KCNN3: variants seen among roughly 807,000 people sequenced by gnomAD.
KCNN3 encodes the protein potassium calcium-activated channel subfamily N member 3.
Under a neutral mutation model 62.9 loss-of-function variants are expected in KCNN3, and 16 were observed. The observed-to-expected ratio is 0.25, with a 90% CI of 0.17 to 0.39. The LOEUF is 0.39. Ranked by LOEUF, KCNN3 falls within the 10% of genes least tolerant of loss-of-function variation. KCNN3 has a pLI of 1.00. For synonymous variants in KCNN3, 370 were observed against 389.2 expected, an observed-to-expected ratio of 0.95 and a Z score of 0.58; for missense variants, 599 against 949.4, an observed-to-expected ratio of 0.63 and a Z score of 4.85.
intron 2 of KCNN3, among the ~76,000 whole-genome samples, chr1:154,798,916 ATTT>A (rs56240234): frequency 0.46 from 59,946 of 131,392 alleles, 12,923 homozygotes; most frequent in East Asian, 0.69. Flanking sequence ...CACTTATTGC[ATTT>A]TTTTTTTTTT....
At chr1:154,712,374 G>A (rs913861814) in intron 7 of KCNN3, among the ~76,000 whole-genome samples, 2 of 152,020 alleles carry the variant, frequency 1.3e-5, no homozygotes, top group Non-Finnish European at 2.9e-5. Context: ...TGCACTCCAC[G>A]TGAACGCCCT....
At chr1:154,849,944 A>G (rs1238290651) in intron 1 of KCNN3, among the ~76,000 whole-genome samples, 1 of 152,166 alleles carries the variant, frequency 6.6e-6, no homozygotes, top group East Asian at 1.9e-4. Context: ...GAGGAGCAAA[A>G]GTGCCCCAGT....
Position 154,705,782 on chromosome 1 carries a change from T to C in KCNN3, c.*2194A>G, listed in dbSNP as rs1699954986. On this transcript the variant is annotated 3_prime_UTR_variant, in exon 8 of 8. Coordinates refer to ENST00000271915, the MANE Select transcript of KCNN3 (RefSeq NM_002249.6). ...GCAGAATGAAAACGGTGGGTAGGAA[T>C]CACCAGTTGAAGGCTGTAGGTTTAA... 6.6e-6 allele frequency: 1 copy of C among 152,266 alleles called. No individual in the cohort carries two copies. Among genetic ancestry groups the C allele is most frequent in the African/African-American group, 2.4e-5 (1 of 41,464 alleles). The allele number at this position is 152,266 out of a possible 1,614,324, so 9.4% of individuals were successfully genotyped here.
At chr1:154,804,971 ACT>A (rs1177810963) in intron 2 of KCNN3, among the ~76,000 whole-genome samples, 8 of 152,096 alleles carry the variant, frequency 5.3e-5, no homozygotes, top group Non-Finnish European at 1.2e-4. Context: ...TCAAGGAAAG[ACT>A]CTATAGAAAT....
At chr1:154,833,793 G>T (rs989238699) in intron 1 of KCNN3, among the ~76,000 whole-genome samples, 1 of 152,212 alleles carries the variant, frequency 6.6e-6, no homozygotes, top group Non-Finnish European at 1.5e-5. Flanking sequence ...CTCAATTCAG[G>T]TTTGGGGAGT....
At chr1:154,725,856 C>T (rs1700451179) in intron 5 of KCNN3, 60 bp downstream of exon 5, 1 of 1,308,714 alleles carries the variant, frequency 7.6e-7, no homozygotes, top group African/African-American at 1.4e-5. Flanking sequence ...CATTTGCTTT[C>T]TGATTGGCTT....
intron 1 of KCNN3, among the ~76,000 whole-genome samples, chr1:154,847,646 C>T (rs1396780303): frequency 6.6e-6 from 1 of 152,172 alleles, no homozygotes; most frequent in African/African-American, 2.4e-5. Flanking sequence ...AAAGCCAACA[C>T]GCCCAAGATA....
intron 5 of KCNN3, 129 bp from the exon 6 acceptor site, chr1:154,715,132 G>A (rs544042510): frequency 1.4e-4 from 165 of 1,152,760 alleles, no homozygotes; most frequent in African/African-American, 2.6e-4. Flanking sequence ...CCAAAATCAC[G>A]GAACTCCTAG....
intron 1 of KCNN3, among the ~76,000 whole-genome samples, chr1:154,865,320 T>A (rs7553195): frequency 6.6e-6 from 1 of 151,366 alleles, no homozygotes; most frequent in Non-Finnish European, 1.5e-5. Context: ...CTCGTCACAA[T>A]GTCTAAGACT....
intron 1 of KCNN3, among the ~76,000 whole-genome samples, chr1:154,834,571 G>C (rs1195009305): frequency 6.6e-6 from 1 of 152,174 alleles, no homozygotes; most frequent in Non-Finnish European, 1.5e-5. Flanking sequence ...CAAGGCAGAA[G>C]GATCTCCATG....
intron 2 of KCNN3, among the ~76,000 whole-genome samples, chr1:154,790,396 C>T (rs1239360773): frequency 6.6e-6 from 1 of 152,162 alleles, no homozygotes; most frequent in African/African-American, 2.4e-5. Context: ...CCTAACCTAC[C>T]GAATGTCACA....
intron 3 of KCNN3, among the ~76,000 whole-genome samples, chr1:154,771,058 GATAAATAAATAAATAAATAAATAA>G (rs112864449): frequency 1.9e-4 from 26 of 136,660 alleles, no homozygotes; most frequent in South Asian, 5.0e-4. Flanking sequence ...CTCCATCTCA[GATAAATAAATAAATAAATAAATAA>G]ATAAATAAAT....
intron 3 of KCNN3, among the ~76,000 whole-genome samples, chr1:154,768,617 C>A (rs1648403540): frequency 6.6e-6 from 1 of 152,210 alleles, no homozygotes; most frequent in Non-Finnish European, 1.5e-5. Context: ...CCCACACTGA[C>A]AAATCCCCTC....
intron 3 of KCNN3, among the ~76,000 whole-genome samples, chr1:154,756,985 G>A (rs1168199293): frequency 2.6e-5 from 4 of 152,176 alleles, no homozygotes; most frequent in African/African-American, 9.7e-5. Context: ...AGAGAGAGGC[G>A]TGGCTCAATG....
Position 154,869,809 on chromosome 1 carries a change from C to T in KCNN3, c.156G>A (p.Gln52=). The change falls in exon 1 of 8, where the codon CAG becomes CAA. Residue 52 remains glutamine (Q), a synonymous_variant. Coordinates refer to ENST00000271915, the MANE Select transcript of KCNN3 (RefSeq NM_002249.6). This position sits in a 1 kb window ranked among gnomAD's most constrained non-coding sequence, Gnocchi z 6.1. The part of the protein sequence containing the change: ...PPPPAPPAAP[Q]QPLGPSLQPQ... The stretch of plus-strand genomic sequence containing the variant: ...GCTGCAGCGAGGGTCCCAGGGGCTG[C>T]TGGGGGGCTGCTGGTGGCGCTGGCG... The T allele has an allele frequency of 6.6e-7, 1 of 1,519,478 alleles. No homozygotes were observed. 94.1% of individuals were successfully genotyped at this position (1,519,478 alleles called of 1,614,324 possible). A position where few individuals can be genotyped will look rare whatever the true frequency, so the allele number is the denominator to read the frequency against.
At chr1:154,819,591 C>G (rs936331695) in intron 2 of KCNN3, among the ~76,000 whole-genome samples, 1 of 152,228 alleles carries the variant, frequency 6.6e-6, no homozygotes, top group South Asian at 2.1e-4. Context: ...TCCCATTTCC[C>G]TCTGGCAAGA....
chr1:154,741,341 G>A (rs1404100917), intron 3 of KCNN3, among the ~76,000 whole-genome samples: 3 of 152,196 alleles, frequency 2.0e-5, no homozygotes, highest in Non-Finnish European at 4.4e-5. Flanking sequence ...AGTATTCTCT[G>A]TAGCCTTTCC....
intron 7 of KCNN3, among the ~76,000 whole-genome samples, chr1:154,708,724 C>T (rs1477424598): frequency 6.6e-6 from 1 of 151,858 alleles, no homozygotes; most frequent in Non-Finnish European, 1.5e-5. Context: ...TAACAGTGTG[C>T]CCTCTGCCAG....
intron 3 of KCNN3, among the ~76,000 whole-genome samples, chr1:154,759,230 G>T (rs537571544): frequency 2.2e-3 from 337 of 152,364 alleles, no homozygotes; most frequent in Non-Finnish European, 4.0e-3. Flanking sequence ...GGAAACACAG[G>T]GGGGTGAAGA....
Sources: gnomAD v4.1 joint callset for allele counts (sites outside exome capture counted in the v4.1 genomes callset) on GRCh38, gnomAD v4.1.1 for gene constraint, Gnocchi (gnomAD v3.1) non-coding constraint, MANE v1.5 for transcripts, NCBI Gene and HGNC (gene_info 2026-07-23, HGNC 2026-07-21) for gene names.